COLEC12: variants seen among roughly 807,000 people sequenced by gnomAD.
COLEC12 encodes the protein collectin-12.
A neutral mutation model predicts 71.1 loss-of-function variants in COLEC12; 33 were observed. The observed-to-expected ratio is 0.46, with a 90% CI of 0.35 to 0.62. The LOEUF is 0.62. COLEC12 is among the 20% of genes least tolerant of loss of function. The pLI is 0.00. For synonymous variants in COLEC12, 350 were observed against 353.0 expected (o/e 0.99, Z 0.10); for missense variants, 765 against 916.1 (o/e 0.84, Z 2.13).
intron 2 of COLEC12, among the ~76,000 whole-genome samples, chr18:444,843 C>G (rs1916615131): frequency 1.3e-5 from 2 of 152,170 alleles, no homozygotes; most frequent in South Asian, 4.1e-4. Context: ...CCCATGGGGT[C>G]TCAAACCTAT....
At chr18:492,974 G>A (rs895124618) in intron 1 of COLEC12, among the ~76,000 whole-genome samples, 4 of 152,082 alleles carry the variant, frequency 2.6e-5, no homozygotes, top group East Asian at 1.9e-4. Context: ...AGGCTGAGGC[G>A]GGCAGATCAC....
chr18:355,162 GATATA>G (rs893087872), intron 3 of COLEC12, among the ~76,000 whole-genome samples: 39 of 152,268 alleles, frequency 2.6e-4, no homozygotes, highest in African/African-American at 8.9e-4. Context: ...GCTGGTGGGA[GATATA>G]ATAAATAAAA....
rs778647969 is a variant in COLEC12 at position 347,271 on chromosome 18, A to G, written c.351T>C (p.Asp117=). 6.2e-7 allele frequency: 1 copy of G among 1,614,078 alleles called. No homozygotes were observed. The highest frequency in any genetic ancestry group is 8.5e-7 in the Non-Finnish European group (1 of 1,180,018). Reference sequence around the variant, plus strand: ...TAATCTCACGAAGTTGCTGACGGAGATCTAGAATGTCTGATCTGAAGGTGG... The same window carrying G: ...TAATCTCACGAAGTTGCTGACGGAGGTCTAGAATGTCTGATCTGAAGGTGG... ...ELSTFRSDIL[D]LRQQLREITE... The change falls in exon 5 of 10, where the codon GAT becomes GAC. Residue 117 remains aspartate, a synonymous_variant. Coordinates refer to ENST00000400256, the MANE Select transcript of COLEC12 (RefSeq NM_130386.3).
In COLEC12 at chr18:338,367, G is replaced by T. The variant is rs140263054; in HGVS notation, c.1328-3137C>A. Among the ~76,000 whole-genome samples the T allele has an allele frequency of 1.8e-3, 268 of 152,286 alleles. 3 individuals carry two copies. The highest frequency in any genetic ancestry group is 6.1e-3 in the African/African-American group (252 of 41,554). ...TGGTTAAAAAGTCCAGCACTCTAAC[G>T]CTCACAATTTGTGCCCCAGGTGAGA... On this transcript the variant is annotated intron_variant, in intron 5 of 9. Transcript: ENST00000400256.
At chr18:425,929 G>GTA (rs1261440663) in intron 2 of COLEC12, among the ~76,000 whole-genome samples, 1 of 152,086 alleles carries the variant, frequency 6.6e-6, no homozygotes, top group East Asian at 1.9e-4. Flanking sequence ...TCTCATCTTG[G>GTA]TATAGCATTT....
At chr18:336,887 ACT>A (rs1299515027) in intron 5 of COLEC12, among the ~76,000 whole-genome samples, 4 of 151,760 alleles carry the variant, frequency 2.6e-5, no homozygotes, top group Non-Finnish European at 5.9e-5. Context: ...AGACAGTCTC[ACT>A]CTGTCACCCA....
In COLEC12 at chr18:406,336, C is replaced by T. The variant is rs551730069; in HGVS notation, c.59-48814G>A. On this transcript the variant is annotated intron_variant, in intron 2 of 9. Coordinates refer to ENST00000400256, the MANE Select transcript of COLEC12 (RefSeq NM_130386.3). ...CATCCTGGCTAACAAGGTGAAACCC[C>T]GTCTCTACTAAAAATACAAAAAATT... is the stretch of plus-strand genomic sequence containing the variant. Among the ~76,000 whole-genome samples, 8 of 151,870 alleles carry T rather than the reference C, an allele frequency of 5.3e-5. No individual in the cohort carries two copies. The East Asian group carries it at 5.8e-4, about 11-fold the overall frequency.
At chr18:444,546 T>C (rs1180464569) in intron 2 of COLEC12, among the ~76,000 whole-genome samples, 1 of 152,194 alleles carries the variant, frequency 6.6e-6, no homozygotes, top group Non-Finnish European at 1.5e-5. Context: ...GACATTAATA[T>C]AATTTTGAAA....
chr18:485,169 A>G (rs1186587446), intron 1 of COLEC12, among the ~76,000 whole-genome samples: 1 of 152,208 alleles, frequency 6.6e-6, no homozygotes, highest in Non-Finnish European at 1.5e-5. Flanking sequence ...CCCAAGCTCA[A>G]TGTGTTGTAT....
intron 2 of COLEC12, among the ~76,000 whole-genome samples, chr18:445,635 CTT>C (rs35766404): frequency 7.3e-6 from 1 of 137,380 alleles, no homozygotes; most frequent in African/African-American, 2.8e-5. Flanking sequence ...CACTAATCCA[CTT>C]TTTTTTTTTT....
At chr18:355,792 C>T (rs1434944246) in intron 3 of COLEC12, among the ~76,000 whole-genome samples, 2 of 152,116 alleles carry the variant, frequency 1.3e-5, no homozygotes, top group South Asian at 2.1e-4. Context: ...AGAGATAGTC[C>T]GGATTACCTG....
chr18:337,826 T>A (rs1374826376), intron 5 of COLEC12, among the ~76,000 whole-genome samples: 2 of 152,184 alleles, frequency 1.3e-5, no homozygotes, highest in African/African-American at 4.8e-5. Context: ...CCTTCCATCA[T>A]CCCTTCTCCC....
At chr18:488,184 G>A (rs1917554395) in intron 1 of COLEC12, among the ~76,000 whole-genome samples, 1 of 152,170 alleles carries the variant, frequency 6.6e-6, no homozygotes, top group Non-Finnish European at 1.5e-5. Context: ...GCTGAGGCAG[G>A]TGGATCACTT....
chr18:354,124 T>C (rs897085583), intron 3 of COLEC12, among the ~76,000 whole-genome samples: 1 of 152,252 alleles, frequency 6.6e-6, no homozygotes, highest in Non-Finnish European at 1.5e-5. Flanking sequence ...TCAGGAAATA[T>C]TCTGGAAGAA....
At chr18:453,741 T>C (rs1190744080) in intron 2 of COLEC12, among the ~76,000 whole-genome samples, 2 of 152,226 alleles carry the variant, frequency 1.3e-5, no homozygotes, top group Admixed American at 6.5e-5. Context: ...CTCCACTGAA[T>C]GTATAATAAG....
chr18:462,807 A>G (rs1457670344), intron 2 of COLEC12, among the ~76,000 whole-genome samples: 1 of 152,234 alleles, frequency 6.6e-6, no homozygotes, highest in African/African-American at 2.4e-5. Context: ...ATGTGACCAC[A>G]TGGATATGGA....
At chr18:489,339 T>C (rs1567924005) in intron 1 of COLEC12, among the ~76,000 whole-genome samples, 1 of 152,108 alleles carries the variant, frequency 6.6e-6, no homozygotes, top group African/African-American at 2.4e-5. Flanking sequence ...TCCCCAAAAA[T>C]GTACATCCCA....
chr18:436,251 C>T (rs1457389586), intron 2 of COLEC12, among the ~76,000 whole-genome samples: 1 of 152,188 alleles, frequency 6.6e-6, no homozygotes, highest in African/African-American at 2.4e-5. Context: ...TGGCTCACGC[C>T]TGTAATCCCA....
chr18:337,818 T>C (rs1598329877), intron 5 of COLEC12, among the ~76,000 whole-genome samples: 1 of 152,204 alleles, frequency 6.6e-6, no homozygotes, highest in East Asian at 1.9e-4. Flanking sequence ...CGTGTTCTCC[T>C]TCCATCATCC....
Sources: gnomAD v4.1 joint callset for allele counts (sites outside exome capture counted in the v4.1 genomes callset) on GRCh38, gnomAD v4.1.1 for gene constraint, MANE v1.5 for transcripts, NCBI Gene and HGNC (gene_info 2026-07-23, HGNC 2026-07-21) for gene names.